The following IFT43 variants were observed in gnomAD, a reference collection of about 807,000 sequenced individuals.
The protein encoded by IFT43 is intraflagellar transport protein 43 homolog.
IFT43 carries 33 observed loss-of-function variants against 32.3 expected under a neutral mutation model. The observed-to-expected ratio is 1.02, with a 90% CI of 0.77 to 1.37. IFT43 has a LOEUF of 1.37. Among genes scored for constraint, IFT43 ranks in the 40% most tolerant of loss-of-function variants. The pLI is 0.00. For missense variants in IFT43, 274 were observed against 265.9 expected (o/e 1.03, Z -0.21); for synonymous variants, 93 against 98.2 (o/e 0.95, Z 0.31).
intron 5 of IFT43, among the ~76,000 whole-genome samples, chr14:76,077,273 T>G (rs1476567002): frequency 2.0e-5 from 3 of 152,168 alleles, no homozygotes; most frequent in African/African-American, 7.2e-5. Flanking sequence ...TGCTATGATG[T>G]TATCAAATCC....
chr14:76,066,980 T>C lies in IFT43; in HGVS notation c.295+7607T>C, dbSNP rs187836680. Reference sequence around the variant, plus strand: ...CTGAGGACTGTATTGCTCTAGATGCTGGAGTTAGTGATGAATGAGACAGTC... The same window carrying C: ...CTGAGGACTGTATTGCTCTAGATGCCGGAGTTAGTGATGAATGAGACAGTC... On this transcript the variant is annotated intron_variant, in intron 5 of 8. Coordinates refer to ENST00000314067, the MANE Select transcript of IFT43 (RefSeq NM_001102564.3). 5.6e-4 allele frequency among the ~76,000 whole-genome samples: 85 copies of C among 152,352 alleles called. 1 individual carries two copies. The highest frequency in any genetic ancestry group is 1.9e-3 in the African/African-American group (78 of 41,580).
intron 3 of IFT43, among the ~76,000 whole-genome samples, chr14:76,034,774 A>C (rs2036569502): frequency 6.6e-6 from 1 of 152,220 alleles, no homozygotes; most frequent in Non-Finnish European, 1.5e-5. Flanking sequence ...AGAAAGGGCC[A>C]AGTTCAGGAA....
chr14:76,014,921 T>C (rs1253115141), intron 2 of IFT43, among the ~76,000 whole-genome samples: 2 of 152,210 alleles, frequency 1.3e-5, no homozygotes, highest in East Asian at 3.9e-4. Context: ...CTCACTTCCA[T>C]TGTGGCCTTT....
intron 5 of IFT43, 24 bp from the exon 6 acceptor site, chr14:76,082,271 T>A (rs1458932328): frequency 1.2e-6 from 2 of 1,608,568 alleles, no homozygotes; most frequent in Non-Finnish European, 1.7e-6. Flanking sequence ...CTGCAGACAG[T>A]GTTGCCTCTG....
chr14:75,998,117 T>C (rs753049954), intron 2 of IFT43, among the ~76,000 whole-genome samples: 4 of 152,236 alleles, frequency 2.6e-5, no homozygotes, highest in Non-Finnish European at 5.9e-5. Context: ...ATTTTCCTTA[T>C]CACTTCAATC....
intron 2 of IFT43, among the ~76,000 whole-genome samples, chr14:75,994,345 G>T (rs891884123): frequency 7.2e-5 from 11 of 152,076 alleles, no homozygotes; most frequent in African/African-American, 2.4e-4. Context: ...TCTTCTTCCT[G>T]CTCTGAGAGA....
chr14:76,018,061 A>C (rs2036222286), intron 2 of IFT43, among the ~76,000 whole-genome samples: 1 of 149,142 alleles, frequency 6.7e-6, no homozygotes, highest in African/African-American at 2.5e-5. Context: ...TTCTGCTCTG[A>C]TTTTATTATT....
At chr14:76,002,107 C>T (rs1367308282) in intron 2 of IFT43, among the ~76,000 whole-genome samples, 1 of 152,128 alleles carries the variant, frequency 6.6e-6, no homozygotes, top group Admixed American at 6.5e-5. Context: ...ATTAGCTGGG[C>T]GTGGTGGCGC....
intron 1 of IFT43, 124 bp downstream of exon 1, chr14:75,985,964 C>T: frequency 6.5e-7 from 1 of 1,533,686 alleles, no homozygotes; most frequent in East Asian, 2.5e-5. Flanking sequence ...GGGTGAGGCC[C>T]AGAAGGAGGC....
chr14:76,071,748 G>T (rs1383609081), intron 5 of IFT43, among the ~76,000 whole-genome samples: 1 of 152,184 alleles, frequency 6.6e-6, no homozygotes, highest in African/African-American at 2.4e-5. Context: ...TTAATTATAA[G>T]AATGTATAAT....
intron 5 of IFT43, among the ~76,000 whole-genome samples, chr14:76,064,064 A>C (rs1014360304): frequency 6.6e-6 from 1 of 152,058 alleles, no homozygotes; most frequent in Non-Finnish European, 1.5e-5. Context: ...ATTAGAGGTC[A>C]GAACACTCCA....
intron 2 of IFT43, chr14:76,014,080 A>T (rs1410908438): frequency 3.6e-6 from 1 of 279,840 alleles, no homozygotes; most frequent in African/African-American, 2.3e-5. Flanking sequence ...TAAGGACTGT[A>T]AAAAATTCTA....
At chr14:76,074,746 T>A (rs953418475) in intron 5 of IFT43, among the ~76,000 whole-genome samples, 7 of 152,226 alleles carry the variant, frequency 4.6e-5, no homozygotes, top group African/African-American at 1.7e-4. Flanking sequence ...CCAGCATTCA[T>A]ACACCATAGT....
intron 5 of IFT43, among the ~76,000 whole-genome samples, chr14:76,074,231 C>G (rs2037373354): frequency 6.6e-6 from 1 of 152,130 alleles, no homozygotes. Context: ...CACATTAATA[C>G]CAGATCACTC....
At chr14:76,056,968 T>C (rs1220971491) in intron 3 of IFT43, among the ~76,000 whole-genome samples, 1 of 152,182 alleles carries the variant, frequency 6.6e-6, no homozygotes, top group African/African-American at 2.4e-5. Flanking sequence ...TGCCTCCCAC[T>C]ACCCATTCTG....
intron 3 of IFT43, among the ~76,000 whole-genome samples, chr14:76,054,687 A>G (rs1471327491): frequency 6.6e-6 from 1 of 152,152 alleles, no homozygotes; most frequent in African/African-American, 2.4e-5. Context: ...GGTTCCCCAA[A>G]CTTCTAATAG....
At chr14:75,997,808 C>T (rs2035775637) in intron 2 of IFT43, among the ~76,000 whole-genome samples, 2 of 152,200 alleles carry the variant, frequency 1.3e-5, no homozygotes, top group African/African-American at 4.8e-5. Context: ...ATCATCCCAC[C>T]TGGGCTTCAG....
At chr14:75,992,282 T>G in intron 2 of IFT43, among the ~76,000 whole-genome samples, 1 of 152,188 alleles carries the variant, frequency 6.6e-6, no homozygotes, top group Middle Eastern at 3.2e-3. Flanking sequence ...CAAATAGTGA[T>G]AGTAATACCA....
chr14:76,070,132 G>A (rs1248500914), intron 5 of IFT43, among the ~76,000 whole-genome samples: 1 of 152,214 alleles, frequency 6.6e-6, no homozygotes, highest in African/African-American at 2.4e-5. Flanking sequence ...ACAGGTAAAA[G>A]TGACTGAACA....
Sources: allele counts gnomAD v4.1 joint callset (sites outside exome capture counted in the v4.1 genomes callset), GRCh38; gene constraint gnomAD v4.1.1; transcripts MANE v1.5; gene names NCBI Gene and HGNC (gene_info 2026-07-23, HGNC 2026-07-21).